EDIL3: variants seen among roughly 807,000 people sequenced by gnomAD.
EDIL3 encodes the protein EGF-like repeat and discoidin I-like domain-containing protein 3.
A neutral mutation model predicts 67.4 loss-of-function variants in EDIL3; 37 were observed. The ratio of observed to expected loss-of-function variants is 0.55; its 90% confidence interval spans 0.42 to 0.72. EDIL3 has a LOEUF of 0.72. Ranked by LOEUF, EDIL3 falls within the 30% of genes least tolerant of loss-of-function variation. EDIL3 has a pLI of 0.00. For synonymous variants in EDIL3, 195 were observed against 196.3 expected, an observed-to-expected ratio of 0.99 and a Z score of 0.05; for missense variants, 527 against 586.3, an observed-to-expected ratio of 0.90 and a Z score of 1.04.
intron 5 of EDIL3, among the ~76,000 whole-genome samples, chr5:84,132,209 A>T (rs1747979160): frequency 6.9e-6 from 1 of 145,880 alleles, no homozygotes; most frequent in African/African-American, 2.6e-5. Context: ...CACTCTAGCC[A>T]CCTGGGAGAC....
chr5:83,976,659 G>A (rs1744881720), intron 9 of EDIL3, among the ~76,000 whole-genome samples: 1 of 151,332 alleles, frequency 6.6e-6, no homozygotes, highest in South Asian at 2.1e-4. Context: ...CAACCAACCC[G>A]AGAACTGTGA....
intron 4 of EDIL3, among the ~76,000 whole-genome samples, chr5:84,154,786 G>C (rs1334957598): frequency 2.8e-5 from 4 of 142,834 alleles, no homozygotes; most frequent in Non-Finnish European, 6.0e-5. Context: ...CGCAACCTCT[G>C]CCTCCCAGGT....
chr5:83,971,003 T>G (rs977027486), intron 9 of EDIL3, among the ~76,000 whole-genome samples: 3 of 151,424 alleles, frequency 2.0e-5, no homozygotes, highest in African/African-American at 7.3e-5. Flanking sequence ...AAAGCTGAGT[T>G]TTTATTTCTG....
At chr5:84,059,504 T>G (rs1039721060) in intron 9 of EDIL3, among the ~76,000 whole-genome samples, 1 of 152,208 alleles carries the variant, frequency 6.6e-6, no homozygotes, top group African/African-American at 2.4e-5. Flanking sequence ...AAATCTTGTT[T>G]GATAGGGGTG....
intron 3 of EDIL3, among the ~76,000 whole-genome samples, chr5:84,183,005 T>C (rs1168864104): frequency 3.9e-5 from 6 of 152,110 alleles, no homozygotes; most frequent in African/African-American, 1.4e-4. Context: ...TTTTCTTTCA[T>C]TGCTACAAAA....
intron 3 of EDIL3, among the ~76,000 whole-genome samples, chr5:84,185,128 T>C (rs952451503): frequency 4.6e-5 from 7 of 152,162 alleles, no homozygotes; most frequent in African/African-American, 1.7e-4. Flanking sequence ...ATCATATCCA[T>C]CTGAAAAAGC....
chr5:83,963,246 G>A lies in EDIL3; in HGVS notation c.1252C>T (p.His418Tyr), dbSNP rs374240916. ...YKLAYSNDGE[H>Y]WTVYQDEKQR... ...TTTTCATCCTGGTATACAGTCCAGT[G>A]TTCTCCATCATTGCTGTAAGCCAGT... The change falls in exon 10 of 11, where the codon CAC (histidine) becomes TAC (tyrosine). Residue 418 changes from histidine (H) to tyrosine (Y), a missense_variant. This residue lies in a region of EDIL3 where 494 missense variants were observed against 522.5 expected (regional missense o/e 0.95). Transcript: ENST00000296591. The A allele has an allele frequency of 8.7e-6, 14 of 1,610,102 alleles. No homozygotes were observed. In the African/African-American group the frequency reaches 1.6e-4, roughly 19 times the overall value.
intron 2 of EDIL3, among the ~76,000 whole-genome samples, chr5:84,245,085 T>A (rs1381042778): frequency 6.6e-6 from 1 of 152,210 alleles, no homozygotes; most frequent in Admixed American, 6.5e-5. Flanking sequence ...GCTTATTCCT[T>A]CTCTCATTGG....
chr5:84,367,505 G>A (rs1747763245), intron 1 of EDIL3, among the ~76,000 whole-genome samples: 1 of 152,330 alleles, frequency 6.6e-6, no homozygotes, highest in East Asian at 1.9e-4. Context: ...ATCTGAGCTA[G>A]GAGCGGTGGC....
chr5:84,361,199 G>A (rs529315848), intron 1 of EDIL3, among the ~76,000 whole-genome samples: 2 of 151,668 alleles, frequency 1.3e-5, no homozygotes, highest in East Asian at 1.9e-4. Context: ...TGCTTCAAGT[G>A]TGAACAAAAA....
At chr5:84,161,821 A>G (rs1469476062) in intron 4 of EDIL3, among the ~76,000 whole-genome samples, 1 of 152,178 alleles carries the variant, frequency 6.6e-6, no homozygotes, top group Non-Finnish European at 1.5e-5. Context: ...CTAAATCATT[A>G]AAAGTTATCA....
At chr5:84,074,976 T>C (rs1746822753) in intron 6 of EDIL3, among the ~76,000 whole-genome samples, 1 of 152,048 alleles carries the variant, frequency 6.6e-6, no homozygotes, top group Non-Finnish European at 1.5e-5. Flanking sequence ...TAGACTGGAT[T>C]AAGAAAATGT....
At chr5:84,270,938 C>A (rs1162785121) in intron 1 of EDIL3, among the ~76,000 whole-genome samples, 1 of 152,162 alleles carries the variant, frequency 6.6e-6, no homozygotes, top group Non-Finnish European at 1.5e-5. Context: ...TCCCTTCATT[C>A]ACTCAAAGAA....
chr5:84,301,204 G>A (rs556831647), intron 1 of EDIL3, among the ~76,000 whole-genome samples: 1 of 151,508 alleles, frequency 6.6e-6, no homozygotes, highest in East Asian at 2.0e-4. Context: ...GGAGGCGGAG[G>A]TTGCGGTGAG....
At chr5:84,254,453 T>A (rs116593559) in intron 1 of EDIL3, among the ~76,000 whole-genome samples, 2 of 152,210 alleles carry the variant, frequency 1.3e-5, no homozygotes, top group Admixed American at 1.3e-4. Context: ...TTGGTTCAGT[T>A]TGGAGTTCCT....
At chr5:84,001,557 A>T (rs1029435661) in intron 9 of EDIL3, among the ~76,000 whole-genome samples, 4 of 151,650 alleles carry the variant, frequency 2.6e-5, no homozygotes, top group African/African-American at 9.7e-5. Flanking sequence ...CCCACTGCCA[A>T]AAAAAAAGAG....
chr5:84,240,338 G>C (rs1744771568), intron 2 of EDIL3, among the ~76,000 whole-genome samples: 1 of 152,056 alleles, frequency 6.6e-6, no homozygotes, highest in Non-Finnish European at 1.5e-5. Flanking sequence ...ATATTATCAA[G>C]GGAAGTTATA....
chr5:84,144,314 C>T (rs1364143986), intron 4 of EDIL3, among the ~76,000 whole-genome samples: 2 of 150,440 alleles, frequency 1.3e-5, no homozygotes, highest in African/African-American at 4.9e-5. Flanking sequence ...CCCTTCTTTC[C>T]ATGCATCCAT....
At chr5:84,384,121 C>G (rs1438543558) in intron 1 of EDIL3, among the ~76,000 whole-genome samples, 187 bp downstream of exon 1, 3 of 152,140 alleles carry the variant, frequency 2.0e-5, no homozygotes, top group Non-Finnish European at 4.4e-5. Context: ...CGCTCGGCCC[C>G]GCGCACTCTG....
Sources: gnomAD v4.1 joint callset for allele counts (sites outside exome capture counted in the v4.1 genomes callset) on GRCh38, gnomAD v4.1.1 for gene constraint, gnomAD v4.1.1 regional missense constraint, MANE v1.5 for transcripts, NCBI Gene and HGNC (gene_info 2026-07-23, HGNC 2026-07-21) for gene names.